The following AOAH variants were observed in gnomAD, a reference collection of about 807,000 sequenced individuals.
The protein encoded by AOAH is acyloxyacyl hydrolase (neutrophil).
In AOAH, 64 loss-of-function variants were observed where a neutral mutation model predicts 92.2. That is an observed-to-expected ratio of 0.69 (90% confidence interval 0.57 to 0.86). The LOEUF is 0.86. Ranked by LOEUF, AOAH falls within the 40% of genes least tolerant of loss-of-function variation. AOAH has a pLI of 0.00. For missense variants in AOAH, 656 were observed against 694.6 expected, an observed-to-expected ratio of 0.94 and a Z score of 0.62; for synonymous variants, 263 against 254.5, an observed-to-expected ratio of 1.03 and a Z score of -0.32.
At chr7:36,533,844 A>G (rs773053835) in intron 16 of AOAH, among the ~76,000 whole-genome samples, 10 of 151,970 alleles carry the variant, frequency 6.6e-5, no homozygotes, top group Non-Finnish European at 1.2e-4. Flanking sequence ...GCTACCACTG[A>G]GTTGCGGCCT....
chr7:36,530,492 G>A lies in AOAH; in HGVS notation c.1448C>T (p.Thr483Ile), dbSNP rs1312800767. The A allele has an allele frequency of 3.1e-6, 5 of 1,613,086 alleles. No homozygotes were observed. Among genetic ancestry groups the A allele is most frequent in the Non-Finnish European group, 4.2e-6 (5 of 1,179,090 alleles). The change falls in exon 19 of 21, where the codon ACA becomes ATA. Residue 483 changes from threonine to isoleucine, a missense_variant. Coordinates refer to ENST00000617537, the MANE Select transcript of AOAH (RefSeq NM_001637.4). ...TSERAEQLSN[T>I]LKKIAASEKF... is the part of the protein sequence containing the mutation. ...CTCACTGGCTGCAATTTTTTTCAGTGTGTTGGAGAGTTGCTCTGCTCTCTG... is the reference window on the plus strand; with the variant it reads ...CTCACTGGCTGCAATTTTTTTCAGTATGTTGGAGAGTTGCTCTGCTCTCTG...
chr7:36,708,031 G>A (rs920029459), intron 1 of AOAH, among the ~76,000 whole-genome samples: 11 of 152,020 alleles, frequency 7.2e-5, no homozygotes, highest in Non-Finnish European at 1.6e-4. Flanking sequence ...GGACTCAAGT[G>A]ATCCTTCCAC....
intron 12 of AOAH, among the ~76,000 whole-genome samples, chr7:36,581,396 G>A (rs148336709): frequency 3.9e-5 from 6 of 152,340 alleles, no homozygotes; most frequent in Non-Finnish European, 7.3e-5. Flanking sequence ...TTTCAAGGGA[G>A]AGATGTAAGT....
chr7:36,531,888 GTGTGTACACACA>G (rs559533693), intron 18 of AOAH, among the ~76,000 whole-genome samples: 137 of 152,148 alleles, frequency 9.0e-4, no homozygotes, highest in African/African-American at 3.1e-3. Context: ...ACAGGGGAGG[GTGTGTACACACA>G]TGTGTACACA....
chr7:36,711,471 C>G (rs954972454), intron 1 of AOAH, among the ~76,000 whole-genome samples: 3 of 152,132 alleles, frequency 2.0e-5, no homozygotes, highest in African/African-American at 7.2e-5. Context: ...AGGCCCTTCT[C>G]AGAGTGTCCC....
intron 1 of AOAH, among the ~76,000 whole-genome samples, chr7:36,697,698 C>T (rs979122908): frequency 3.3e-5 from 5 of 152,130 alleles, no homozygotes; most frequent in African/African-American, 9.7e-5. Context: ...AATTCATGCC[C>T]TTCCTGGGAC....
At chr7:36,568,442 T>C (rs1787869003) in intron 13 of AOAH, among the ~76,000 whole-genome samples, 1 of 152,334 alleles carries the variant, frequency 6.6e-6, no homozygotes, top group South Asian at 2.1e-4. Flanking sequence ...CAGGGCCTGG[T>C]CAACTCTCTG....
intron 16 of AOAH, among the ~76,000 whole-genome samples, chr7:36,533,087 T>C (rs1784793904): frequency 6.6e-6 from 1 of 152,188 alleles, no homozygotes; most frequent in Non-Finnish European, 1.5e-5. Flanking sequence ...CATCCAGTTT[T>C]TCTGAACATC....
chr7:36,723,070 A>G (rs1799749096), intron 1 of AOAH, among the ~76,000 whole-genome samples: 1 of 152,058 alleles, frequency 6.6e-6, no homozygotes, highest in African/African-American at 2.4e-5. Flanking sequence ...TCCAGAAACA[A>G]TTCCTAAGTG....
chr7:36,660,288 A>T (rs1389983199), intron 3 of AOAH, among the ~76,000 whole-genome samples: 2 of 139,174 alleles, frequency 1.4e-5, no homozygotes, highest in South Asian at 4.8e-4. Context: ...CAGTCTCCCC[A>T]ATTATTTGGG....
chr7:36,712,715 C>T (rs1798849832), intron 1 of AOAH, among the ~76,000 whole-genome samples: 2 of 152,152 alleles, frequency 1.3e-5, no homozygotes, highest in Non-Finnish European at 2.9e-5. Context: ...CCCAGAATTT[C>T]ATATCCAGAC....
chr7:36,684,906 C>CAA lies in AOAH; in HGVS notation c.223+1791_223+1792dup, dbSNP rs57827044. Among the ~76,000 whole-genome samples the CAA allele has an allele frequency of 2.5e-3, 148 of 60,022 alleles. 2 individuals are homozygous for CAA. The highest frequency in any genetic ancestry group is 3.2e-3 in the Non-Finnish European group (110 of 34,828). 39.4% of individuals were successfully genotyped at this position (60,022 alleles called of 152,430 possible). ...TGGGCGACAGACTGAGACCTTGTCT[C>CAA]AAAAAAAAAAAAAAAAAAAAAAAAA... is the stretch of plus-strand genomic sequence containing the variant. On this transcript the variant is annotated intron_variant, in intron 2 of 20. Transcript: ENST00000617537.
At chr7:36,625,512 G>C (rs1302848650) in intron 6 of AOAH, among the ~76,000 whole-genome samples, 3 of 152,216 alleles carry the variant, frequency 2.0e-5, no homozygotes, top group Non-Finnish European at 4.4e-5. Context: ...GATTATGAGT[G>C]CCTGCTGTCC....
At chr7:36,586,210 T>A (rs1468924159) in intron 12 of AOAH, among the ~76,000 whole-genome samples, 1 of 152,132 alleles carries the variant, frequency 6.6e-6, no homozygotes, top group Non-Finnish European at 1.5e-5. Flanking sequence ...GATCTATTAT[T>A]CCCTTGCTGC....
chr7:36,529,696 CT>C (rs1784584361), intron 19 of AOAH, among the ~76,000 whole-genome samples: 1 of 152,082 alleles, frequency 6.6e-6, no homozygotes, highest in Non-Finnish European at 1.5e-5. Context: ...CAACAGGGGG[CT>C]TTGCTCTTGT....
intron 19 of AOAH, among the ~76,000 whole-genome samples, chr7:36,525,593 C>G (rs986845775): frequency 6.6e-6 from 1 of 152,170 alleles, no homozygotes; most frequent in Admixed American, 6.5e-5. Context: ...GCAGGTTGAG[C>G]ATCCCACATC....
chr7:36,701,691 C>T (rs919955740), intron 1 of AOAH, among the ~76,000 whole-genome samples: 1 of 151,644 alleles, frequency 6.6e-6, no homozygotes, highest in African/African-American at 2.4e-5. Context: ...GTGTTTGAGT[C>T]TAAAAGTTAT....
At chr7:36,534,844 GT>G (rs1477598533) in intron 16 of AOAH, among the ~76,000 whole-genome samples, 1 of 152,048 alleles carries the variant, frequency 6.6e-6, no homozygotes, top group African/African-American at 2.4e-5. Context: ...CTCTGTCTAT[GT>G]GTATCTGTGT....
intron 12 of AOAH, among the ~76,000 whole-genome samples, chr7:36,582,790 T>A (rs1381559186): frequency 6.6e-6 from 1 of 151,986 alleles, no homozygotes. Context: ...GTAAACCAGA[T>A]GTGATATGAT....
Sources: gnomAD v4.1 joint callset for allele counts (sites outside exome capture counted in the v4.1 genomes callset) on GRCh38, gnomAD v4.1.1 for gene constraint, MANE v1.5 for transcripts, NCBI Gene and HGNC (gene_info 2026-07-23, HGNC 2026-07-21) for gene names.